Variants in CSMD1 observed in about 807,000 individuals in gnomAD.
CSMD1 encodes CUB and sushi domain-containing protein 1.
CSMD1 carries 213 observed loss-of-function variants against 417.5 expected under a neutral mutation model. That is an observed-to-expected ratio of 0.51 (90% CI 0.46 to 0.57). The LOEUF is 0.57. Ranked by LOEUF, CSMD1 falls within the 20% of genes least tolerant of loss-of-function variation. CSMD1 has a pLI of 0.00. For synonymous variants in CSMD1, 2,862 were observed against 1,736.8 expected, an observed-to-expected ratio of 1.65 and a Z score of -16.11; for missense variants, 6,923 against 4,529.7, an observed-to-expected ratio of 1.53 and a Z score of -15.17.
chr8:4,297,323 T>A (rs1215709504), intron 3 of CSMD1, among the ~76,000 whole-genome samples: 1 of 152,072 alleles, frequency 6.6e-6, no homozygotes, highest in Non-Finnish European at 1.5e-5. Context: ...GAAAACCTGT[T>A]TAATCCAAAT....
chr8:3,630,699 G>C lies in CSMD1; in HGVS notation c.1010-13902C>G, dbSNP rs931074584. ...TGTGAGAGAAATGTGTGAGTGGTTT[G>C]CTTCCAAGAATTGAGGGAAATGGAG... is the stretch of plus-strand genomic sequence containing the variant. On this transcript the variant is annotated intron_variant, in intron 7 of 69. Transcript: ENST00000635120. 4.0e-5 allele frequency among the ~76,000 whole-genome samples: 6 copies of C among 149,602 alleles called. No individual in the cohort carries two copies. In the Admixed American group the frequency reaches 4.0e-4, roughly 10 times the overall value.
chr8:4,081,720 A>C (rs568291245), intron 3 of CSMD1, among the ~76,000 whole-genome samples: 1 of 152,328 alleles, frequency 6.6e-6, no homozygotes, highest in South Asian at 2.1e-4. Flanking sequence ...ATTTTCTCTG[A>C]CCAAATTAGG....
At chr8:4,361,894 G>A (rs946811147) in intron 3 of CSMD1, among the ~76,000 whole-genome samples, 1 of 152,084 alleles carries the variant, frequency 6.6e-6, no homozygotes, top group Non-Finnish European at 1.5e-5. Flanking sequence ...GGCGGAGCTT[G>A]CAGTGAGGCG....
chr8:4,390,002 C>G (rs888223713), intron 3 of CSMD1, among the ~76,000 whole-genome samples: 4 of 152,132 alleles, frequency 2.6e-5, no homozygotes, highest in Admixed American at 6.5e-5. Context: ...TTTTAACTTT[C>G]CTAGATATTA....
At chr8:4,963,689 C>G (rs1203570743) in intron 1 of CSMD1, among the ~76,000 whole-genome samples, 1 of 152,050 alleles carries the variant, frequency 6.6e-6, no homozygotes, top group African/African-American at 2.4e-5. Context: ...TGTGTAGACA[C>G]AGGTGTCTAA....
chr8:4,452,520 T>C (rs567096199), intron 2 of CSMD1, among the ~76,000 whole-genome samples: 1 of 152,326 alleles, frequency 6.6e-6, no homozygotes, highest in Admixed American at 6.5e-5. Flanking sequence ...TTTAGTTCAT[T>C]AACTCAACAA....
At chr8:4,056,732 G>A (rs1037195004) in intron 3 of CSMD1, among the ~76,000 whole-genome samples, 5 of 151,284 alleles carry the variant, frequency 3.3e-5, no homozygotes, top group African/African-American at 2.4e-5. Flanking sequence ...ACCCCTTCCT[G>A]TGTCCATGCG....
At chr8:4,073,042 C>T (rs564949766) in intron 3 of CSMD1, among the ~76,000 whole-genome samples, 3 of 152,108 alleles carry the variant, frequency 2.0e-5, no homozygotes, top group African/African-American at 4.8e-5. Context: ...ATAAGTGTAG[C>T]GTAGATGATA....
At chr8:2,965,727 A>G (rs764306992) in intron 59 of CSMD1, 48 bp downstream of exon 59, 1 of 1,502,118 alleles carries the variant, frequency 6.7e-7, no homozygotes, top group South Asian at 1.2e-5. Context: ...ATAATTCAAT[A>G]AAGACTTCTA....
At chr8:4,008,109 A>G (rs1243201662) in intron 4 of CSMD1, among the ~76,000 whole-genome samples, 24 of 152,338 alleles carry the variant, frequency 1.6e-4, no homozygotes, top group Admixed American at 1.5e-3. Flanking sequence ...CCAGAGCTGC[A>G]TGAAATAAAG....
intron 5 of CSMD1, among the ~76,000 whole-genome samples, chr8:3,906,657 C>A (rs1808132737): frequency 6.7e-6 from 1 of 149,566 alleles, no homozygotes; most frequent in Admixed American, 6.7e-5. Context: ...GCAAAGTACA[C>A]CTTGCACAGC....
chr8:3,488,083 A>ACAGTATTATTATTATTATTAT (rs1444687771), intron 11 of CSMD1, among the ~76,000 whole-genome samples: 9 of 122,034 alleles, frequency 7.4e-5, no homozygotes, highest in African/African-American at 2.9e-4. Flanking sequence ...TTAGAAACTC[A>ACAGTATTATTATTATTATTAT]TAGTATTATT....
chr8:4,381,532 G>A (rs1431089650), intron 3 of CSMD1, among the ~76,000 whole-genome samples: 1 of 152,090 alleles, frequency 6.6e-6, no homozygotes, highest in Non-Finnish European at 1.5e-5. Flanking sequence ...ATTGAGGTTG[G>A]TAGGGAGGAG....
At position 2,973,379 on chromosome 8, in the gene CSMD1, G is replaced by A. The variant is rs564854168; in HGVS notation, c.8741-80C>T. ...CAGAGTTGTCACACTTAAAGATAAT[G>A]AAAAGTTGTTGAAATTTGTGTTTCA... On this transcript the variant is annotated intron_variant, in intron 56 of 69. Transcript: ENST00000635120. 3 of 1,394,358 alleles carry A rather than the reference G, an allele frequency of 2.2e-6. No homozygotes were observed. In the South Asian group the frequency reaches 4.1e-5, roughly 19 times the overall value. 86.4% of individuals were successfully genotyped at this position (1,394,358 alleles called of 1,614,324 possible).
intron 5 of CSMD1, among the ~76,000 whole-genome samples, chr8:3,956,620 A>G (rs1811967094): frequency 6.6e-6 from 1 of 152,232 alleles, no homozygotes; most frequent in Admixed American, 6.5e-5. Flanking sequence ...TCTGATAACA[A>G]GACTAAAATG....
rs147768306 is a variant in CSMD1, at chr8:4,390,383, G to A, written c.415+29570C>T. ...ATTCCAAGCCTGGGAGATCTAAAAT[G>A]TTGTCAATGTAACAGGAGAAATAAA... is the stretch of plus-strand genomic sequence containing the variant. On this transcript the variant is annotated intron_variant, in intron 3 of 69. Coordinates refer to ENST00000635120, the MANE Select transcript of CSMD1 (RefSeq NM_033225.6). Among the ~76,000 whole-genome samples, 1,327 of 152,162 alleles carry A rather than the reference G, an allele frequency of 8.7e-3. 13 individuals carry two copies. The highest frequency in any genetic ancestry group is 0.015 in the Non-Finnish European group (989 of 67,988).
chr8:3,115,194 T>TC (rs5888947), intron 42 of CSMD1, among the ~76,000 whole-genome samples: 5,295 of 108,794 alleles, frequency 0.049, 170 homozygotes, highest in Non-Finnish European at 0.079. Context: ...ACAATTACAA[T>TC]CCCCCCCCCC....
At chr8:3,150,911 T>A (rs912638827) in intron 40 of CSMD1, among the ~76,000 whole-genome samples, 1 of 152,098 alleles carries the variant, frequency 6.6e-6, no homozygotes, top group Non-Finnish European at 1.5e-5. Flanking sequence ...AACTAGATAT[T>A]AAAAAAACAA....
chr8:4,349,533 A>G (rs1292097055), intron 3 of CSMD1, among the ~76,000 whole-genome samples: 3 of 152,112 alleles, frequency 2.0e-5, no homozygotes, highest in Non-Finnish European at 4.4e-5. Flanking sequence ...CAGCCTTTCT[A>G]CTCTATACCA....
Sources: gnomAD v4.1 joint callset for allele counts (sites outside exome capture counted in the v4.1 genomes callset) on GRCh38, gnomAD v4.1.1 for gene constraint, MANE v1.5 for transcripts, NCBI Gene and HGNC (gene_info 2026-07-23, HGNC 2026-07-21) for gene names.